The following CNKSR2 variants were observed in gnomAD, a reference collection of about 807,000 sequenced individuals.
The protein encoded by CNKSR2 is CNK homolog protein 2.
In CNKSR2, 14 loss-of-function variants were observed where a neutral mutation model predicts 84.4. That is an observed-to-expected ratio of 0.17 (90% CI 0.11 to 0.26). The LOEUF is 0.26. CNKSR2 is among the 10% of genes least tolerant of loss of function. The pLI is 1.00. For missense variants in CNKSR2, 485 were observed against 771.2 expected, an observed-to-expected ratio of 0.63 and a Z score of 4.40; for synonymous variants, 275 against 277.9, an observed-to-expected ratio of 0.99 and a Z score of 0.10.
intron 4 of CNKSR2, among the ~76,000 whole-genome samples, chrX:21,451,631 A>G (rs1391574706): frequency 1.1e-5 from 1 of 94,067 alleles, no homozygotes; most frequent in African/African-American, 4.0e-5. Flanking sequence ...TCTCACTCAT[A>G]GGTGGGAATT....
At chrX:21,492,852 G>A (rs1361162954) in intron 6 of CNKSR2, 1 of 112,215 alleles carries the variant, frequency 8.9e-6, no homozygotes. Flanking sequence ...AGTTTAGTCA[G>A]TCACATTTGA....
chrX:21,561,782 G>C (rs910595701), intron 12 of CNKSR2, among the ~76,000 whole-genome samples: 7 of 110,941 alleles, frequency 6.3e-5, no homozygotes, highest in Admixed American at 4.8e-4. Flanking sequence ...CATAAGTATG[G>C]TGTTAAAAGT....
At chrX:21,502,487 C>T (rs2091569278) in intron 8 of CNKSR2, among the ~76,000 whole-genome samples, 1 of 109,733 alleles carries the variant, frequency 9.1e-6, no homozygotes, top group African/African-American at 3.3e-5. Flanking sequence ...ACTAACTCAT[C>T]AGAGTGAGTA....
intron 20 of CNKSR2, chrX:21,644,501 T>C (rs2092701078): frequency 8.9e-6 from 1 of 112,206 alleles, no homozygotes; most frequent in East Asian, 2.8e-4. Flanking sequence ...ATGAACAATA[T>C]GATACAATAG....
chrX:21,633,252 A>G (rs966863023), intron 20 of CNKSR2, among the ~76,000 whole-genome samples: 6 of 111,555 alleles, frequency 5.4e-5, no homozygotes, highest in African/African-American at 2.0e-4. Context: ...TGGCATCTCA[A>G]CTTTCATGGT....
At chrX:21,652,261 A>G (rs1197778191) in intron 21 of CNKSR2, 45 bp from the exon 22 acceptor site, 1 of 1,067,442 alleles carries the variant, frequency 9.4e-7, no homozygotes, top group East Asian at 3.0e-5. Context: ...AAACTTGAAT[A>G]AAACTTTGTC....
chrX:21,535,050 T>C (rs1412556004), intron 11 of CNKSR2, among the ~76,000 whole-genome samples: 1 of 111,460 alleles, frequency 9.0e-6, no homozygotes, highest in Non-Finnish European at 1.9e-5. Context: ...TTGAGTTGAT[T>C]GTGTACATGG....
chrX:21,555,174 C>T (rs2092128614), intron 11 of CNKSR2, among the ~76,000 whole-genome samples: 1 of 110,746 alleles, frequency 9.0e-6, no homozygotes, highest in African/African-American at 3.3e-5. Context: ...TGTTCATGTC[C>T]TTTGCCCACT....
intron 1 of CNKSR2, among the ~76,000 whole-genome samples, chrX:21,403,440 C>G (rs928238487): frequency 1.8e-5 from 2 of 111,575 alleles, no homozygotes; most frequent in Non-Finnish European, 3.8e-5. Context: ...GTCAATTAGT[C>G]TAACTTCATA....
chrX:21,605,389 G>C (rs2092510406), intron 18 of CNKSR2, among the ~76,000 whole-genome samples: 1 of 112,416 alleles, frequency 8.9e-6, no homozygotes, highest in Non-Finnish European at 1.9e-5. Flanking sequence ...AATTAAAGCA[G>C]CAATAGAATT....
At position 21,432,751 on chromosome X, in the gene CNKSR2, A is replaced by G; in HGVS notation, c.368A>G (p.Asp123Gly). 1 of 1,210,808 alleles carries G rather than the reference A, an allele frequency of 8.3e-7. No individual in the cohort carries two copies. The highest frequency in any genetic ancestry group is 1.1e-6 in the Non-Finnish European group (1 of 895,195). ...AGGACCAGCCGAAAATTGCCAAACGACTTTCTGACCTCAGTTGTGGATCTG... is the reference window on the plus strand; with the variant it reads ...AGGACCAGCCGAAAATTGCCAAACGGCTTTCTGACCTCAGTTGTGGATCTG... ...DGRTSRKLPNDFLTSVVDLIG... is the reference protein window; with the variant it reads ...DGRTSRKLPNGFLTSVVDLIG... Residue 123 changes from aspartate to glycine, a missense_variant, in exon 3 of 22, where the codon GAC becomes GGC. Transcript: ENST00000379510.
At chrX:21,501,623 A>G (rs375727101) in intron 8 of CNKSR2, 35 bp downstream of exon 8, 11 of 795,609 alleles carry the variant, frequency 1.4e-5, no homozygotes, top group Admixed American at 2.8e-5. Context: ...AGTGGGAGGA[A>G]CTAATTTTGA....
At chrX:21,494,294 C>G (rs2091471154) in intron 6 of CNKSR2, 1 of 111,644 alleles carries the variant, frequency 9.0e-6, no homozygotes, top group Non-Finnish European at 1.9e-5. Context: ...TTGTCAAACA[C>G]CTTTAATTCG....
At chrX:21,600,844 T>C (rs960484093) in intron 17 of CNKSR2, among the ~76,000 whole-genome samples, 3 of 112,588 alleles carry the variant, frequency 2.7e-5, no homozygotes, top group African/African-American at 6.4e-5. Context: ...TATGATTTCA[T>C]AATAAAACTA....
At chrX:21,579,718 G>C (rs5951453) in intron 13 of CNKSR2, among the ~76,000 whole-genome samples, 5,943 of 111,083 alleles carry the variant, frequency 0.054, 431 homozygotes, top group African/African-American at 0.18. Flanking sequence ...GGCTCTGTGT[G>C]GTGACAGTAT....
In CNKSR2 at chrX:21,609,106, T is replaced by C; in HGVS notation, c.2181T>C (p.His727=). ...CCAGTCCTTATGTGGAAGCAAAACATAGCCGACTTTCCTCCACGGAGACTT... is the reference window on the plus strand; with the variant it reads ...CCAGTCCTTATGTGGAAGCAAAACACAGCCGACTTTCCTCCACGGAGACTT... ...SCASPYVEAK[H]SRLSSTETSQ... The change falls in exon 20 of 22, where the codon CAT becomes CAC. Residue 727 remains histidine, a synonymous_variant. Coordinates refer to ENST00000379510, the MANE Select transcript of CNKSR2 (RefSeq NM_014927.5). 1 of 1,210,228 alleles carries C rather than the reference T, an allele frequency of 8.3e-7. No individual in the cohort carries two copies. Among genetic ancestry groups the C allele is most frequent in the Non-Finnish European group, 1.1e-6 (1 of 894,784 alleles).
chrX:21,374,633 C>T lies in CNKSR2; in HGVS notation c.-265C>T. On this transcript the variant is annotated 5_prime_UTR_variant, in exon 1 of 22. Coordinates refer to ENST00000379510, the MANE Select transcript of CNKSR2 (RefSeq NM_014927.5). ...CAGCAGCAGCAGCAGCAGCAGCAGC[C>T]GCCGCCGCCGCCGCCTTAGCGGGAA... 2 of 453,860 alleles carry T rather than the reference C, an allele frequency of 4.4e-6. No individual in the cohort carries two copies. The highest frequency in any genetic ancestry group is 3.9e-6 in the Non-Finnish European group (1 of 255,735). The allele number at this position is 453,860 out of a possible 1,213,427, so 37.4% of individuals were successfully genotyped here.
chrX:21,530,101 C>A (rs964553069), intron 10 of CNKSR2, among the ~76,000 whole-genome samples: 3 of 111,006 alleles, frequency 2.7e-5, no homozygotes, highest in Admixed American at 9.6e-5. Flanking sequence ...GTGGACTAAC[C>A]AGGCAATTTG....
At chrX:21,641,954 A>C in intron 20 of CNKSR2, 1 of 772,715 alleles carries the variant, frequency 1.3e-6, no homozygotes, top group Non-Finnish European at 1.5e-6. Context: ...TCTGTGTGGT[A>C]ACACCTCAGT....
Sources: allele counts gnomAD v4.1 joint callset (sites outside exome capture counted in the v4.1 genomes callset), GRCh38; gene constraint gnomAD v4.1.1; transcripts MANE v1.5; gene names NCBI Gene and HGNC (gene_info 2026-07-23, HGNC 2026-07-21).